Variants in LHCGR observed in about 807,000 individuals in gnomAD.
LHCGR encodes the protein luteinizing hormone/choriogonadotropin receptor.
A neutral mutation model predicts 60.7 loss-of-function variants in LHCGR; 55 were observed. That is an observed-to-expected ratio of 0.91 (90% confidence interval 0.73 to 1.13). LHCGR has a LOEUF of 1.13. Among genes scored for constraint, LHCGR ranks in the 50% most tolerant of loss-of-function variants. LHCGR has a pLI of 0.00. For missense variants in LHCGR, 862 were observed against 836.0 expected, an observed-to-expected ratio of 1.03 and a Z score of -0.38; for synonymous variants, 337 against 316.5, an observed-to-expected ratio of 1.06 and a Z score of -0.69.
intron 6 of LHCGR, chr2:48,720,234 C>G (rs928034990): frequency 5.9e-5 from 9 of 152,182 alleles, no homozygotes; most frequent in African/African-American, 1.9e-4. Flanking sequence ...TTTGGTTACT[C>G]TTTGAGTCTC....
At chr2:48,734,440 TA>T (rs772982391) in intron 1 of LHCGR, among the ~76,000 whole-genome samples, 3 of 152,224 alleles carry the variant, frequency 2.0e-5, no homozygotes, top group Non-Finnish European at 4.4e-5. Flanking sequence ...GGACTAGTGA[TA>T]ATGTTACTTG....
At chr2:48,735,584 G>T (rs1383915267) in intron 1 of LHCGR, among the ~76,000 whole-genome samples, 1 of 152,178 alleles carries the variant, frequency 6.6e-6, no homozygotes, top group Admixed American at 6.5e-5. Context: ...TTAGGGTCAA[G>T]CTAGTATCTC....
chr2:48,711,664 C>T (rs1001835334), intron 7 of LHCGR, among the ~76,000 whole-genome samples: 2 of 152,154 alleles, frequency 1.3e-5, no homozygotes, highest in Non-Finnish European at 2.9e-5. Flanking sequence ...TGGTTTTTCT[C>T]CCGTCTGTTT....
rs1170601675 is a variant in LHCGR at position 48,688,299 on chromosome 2, A to G, written c.1498T>C (p.Leu500=). Reference sequence around the variant, plus strand: ...TAATTGCTGACACCGACAAGGGGCAACATAGCAATTAGAGAAGAAAAGAGC... The same window carrying G: ...TAATTGCTGACACCGACAAGGGGCAGCATAGCAATTAGAGAAGAAAAGAGC... ...GWLFSSLIAM[L]PLVGVSNYMK... Residue 500 remains leucine, a synonymous_variant, in exon 11 of 11, where the codon TTG becomes CTG. Coordinates refer to ENST00000294954, the MANE Select transcript of LHCGR (RefSeq NM_000233.4). This position sits in a 1 kb window ranked among gnomAD's most constrained non-coding sequence, Gnocchi z 5.2. The G allele has an allele frequency of 6.2e-7, 1 of 1,614,210 alleles. No homozygotes were observed. Among genetic ancestry groups the G allele is most frequent in the Non-Finnish European group, 8.5e-7 (1 of 1,180,040 alleles).
intron 6 of LHCGR, among the ~76,000 whole-genome samples, chr2:48,718,708 G>T (rs765672353): frequency 1.3e-5 from 2 of 152,168 alleles, no homozygotes; most frequent in Non-Finnish European, 2.9e-5. Flanking sequence ...CTTTGCTGAA[G>T]TCCTTTTATA....
At chr2:48,739,985 C>T (rs1008131567) in intron 1 of LHCGR, among the ~76,000 whole-genome samples, 5 of 152,186 alleles carry the variant, frequency 3.3e-5, no homozygotes, top group Admixed American at 6.5e-5. Context: ...TGGGTGCGTG[C>T]ACCATGCGCG....
intron 9 of LHCGR, among the ~76,000 whole-genome samples, chr2:48,696,344 C>T (rs1424047918): frequency 6.6e-6 from 1 of 152,210 alleles, no homozygotes; most frequent in East Asian, 1.9e-4. Flanking sequence ...GGGACTACTT[C>T]CAAAAGGTTG....
Position 48,729,242 on chromosome 2 carries a change from A to T in LHCGR, c.234-15T>A, listed in dbSNP as rs1457246728. ...GAGAGATTTCACTAGGGAAGAGAGG[A>T]GGGGGAAAAAGAGAAAGAAACATGA... On this transcript the variant is annotated splice_polypyrimidine_tract_variant and intron_variant, in intron 2 of 10. Coordinates refer to ENST00000294954, the MANE Select transcript of LHCGR (RefSeq NM_000233.4). 1 of 1,569,664 alleles carries T rather than the reference A, an allele frequency of 6.4e-7. No homozygotes were observed. The highest frequency in any genetic ancestry group is 8.7e-7 in the Non-Finnish European group (1 of 1,143,554).
At chr2:48,732,548 G>T (rs1669042810) in intron 1 of LHCGR, among the ~76,000 whole-genome samples, 1 of 152,162 alleles carries the variant, frequency 6.6e-6, no homozygotes, top group Admixed American at 6.5e-5. Context: ...CATAGCAGAA[G>T]AAATTGGGTC....
chr2:48,723,907 C>A (rs907218799), intron 4 of LHCGR, among the ~76,000 whole-genome samples: 3 of 152,198 alleles, frequency 2.0e-5, no homozygotes, highest in African/African-American at 7.2e-5. Context: ...GGAGAAGATG[C>A]TTTAATGACT....
At chr2:48,709,290 C>G (rs111338389) in intron 7 of LHCGR, among the ~76,000 whole-genome samples, 31 of 152,252 alleles carry the variant, frequency 2.0e-4, no homozygotes, top group African/African-American at 6.3e-4. Context: ...GTACTCACCC[C>G]CTCCTGTCCT....
chr2:48,713,224 TAA>T (rs756529179), intron 7 of LHCGR, among the ~76,000 whole-genome samples: 17 of 37,778 alleles, frequency 4.5e-4, no homozygotes, highest in Non-Finnish European at 1.2e-3. Flanking sequence ...TTATTGATTT[TAA>T]AAGCCTTTTT....
At chr2:48,751,819 T>C (rs1669968750) in intron 1 of LHCGR, among the ~76,000 whole-genome samples, 1 of 152,260 alleles carries the variant, frequency 6.6e-6, no homozygotes, top group South Asian at 2.1e-4. Flanking sequence ...CTCTGGATTA[T>C]GTCTTCAACA....
At chr2:48,732,942 A>C in intron 1 of LHCGR, 1 of 534,538 alleles carries the variant, frequency 1.9e-6, no homozygotes, top group Non-Finnish European at 3.8e-6. Context: ...TTAACAAAGG[A>C]TCCGAGAAGA....
At chr2:48,702,105 G>A (rs769374860) in intron 8 of LHCGR, among the ~76,000 whole-genome samples, 8 of 152,044 alleles carry the variant, frequency 5.3e-5, no homozygotes, top group African/African-American at 7.2e-5. Flanking sequence ...ATAACTGGTC[G>A]CCGTGTGTGA....
chr2:48,703,597 CT>C (rs1489895904), intron 8 of LHCGR, among the ~76,000 whole-genome samples: 2 of 152,028 alleles, frequency 1.3e-5, no homozygotes, highest in African/African-American at 4.8e-5. Context: ...TGAAGAGGTC[CT>C]TCATATCCTT....
chr2:48,729,338 C>G, intron 2 of LHCGR, 111 bp from the exon 3 acceptor site: 1 of 822,360 alleles, frequency 1.2e-6, no homozygotes, highest in South Asian at 1.4e-5. Context: ...CACTGTGTCC[C>G]CCTGAAAAGA....
At chr2:48,721,562 T>A (rs1668497090) in intron 6 of LHCGR, 2 of 365,252 alleles carry the variant, frequency 5.5e-6, no homozygotes, top group South Asian at 4.4e-5. Context: ...CAATTATACA[T>A]GTAAAATTAC....
At chr2:48,708,250 C>T (rs936626351) in intron 8 of LHCGR, among the ~76,000 whole-genome samples, 2 of 152,156 alleles carry the variant, frequency 1.3e-5, no homozygotes, top group Non-Finnish European at 2.9e-5. Flanking sequence ...AGCAGCTCAG[C>T]CCCGTCCAAC....
Sources: gnomAD v4.1 joint callset for allele counts (sites outside exome capture counted in the v4.1 genomes callset) on GRCh38, gnomAD v4.1.1 for gene constraint, Gnocchi (gnomAD v3.1) non-coding constraint, MANE v1.5 for transcripts, NCBI Gene and HGNC (gene_info 2026-07-23, HGNC 2026-07-21) for gene names.